The following MAML3 variants were observed in gnomAD, a reference collection of about 807,000 sequenced individuals.
MAML3 encodes the protein mastermind like transcriptional coactivator 3, also known as mastermind-like protein 3.
In MAML3, 27 loss-of-function variants were observed where a neutral mutation model predicts 101.9. The ratio of observed to expected loss-of-function variants is 0.27; its 90% confidence interval spans 0.20 to 0.37. The LOEUF is 0.37. Ranked by LOEUF, MAML3 falls within the 10% of genes least tolerant of loss-of-function variation. MAML3 has a pLI of 1.00. For synonymous variants in MAML3, 501 were observed against 555.9 expected, an observed-to-expected ratio of 0.90 and a Z score of 1.39; for missense variants, 1,316 against 1,444.9, an observed-to-expected ratio of 0.91 and a Z score of 1.45.
At chr4:139,823,105 T>C (rs144992189) in intron 2 of MAML3, among the ~76,000 whole-genome samples, 17 of 152,370 alleles carry the variant, frequency 1.1e-4, no homozygotes, top group African/African-American at 3.8e-4. Flanking sequence ...AAATAACTCA[T>C]ACTGCTGGCT....
At chr4:139,778,129 T>C (rs1730125389) in intron 2 of MAML3, among the ~76,000 whole-genome samples, 1 of 152,186 alleles carries the variant, frequency 6.6e-6, no homozygotes, top group South Asian at 2.1e-4. Context: ...GCTGGGGTGA[T>C]GCAATGAATA....
At chr4:140,085,037 T>C (rs1489381732) in intron 1 of MAML3, among the ~76,000 whole-genome samples, 1 of 152,162 alleles carries the variant, frequency 6.6e-6, no homozygotes, top group East Asian at 1.9e-4. Context: ...AATGCTCCCC[T>C]GAATATCCCC....
At chr4:139,941,470 G>C (rs1177562926) in intron 1 of MAML3, among the ~76,000 whole-genome samples, 1 of 152,144 alleles carries the variant, frequency 6.6e-6, no homozygotes, top group African/African-American at 2.4e-5. Flanking sequence ...TAAGGGTCAT[G>C]TTGTAGCCTA....
intron 2 of MAML3, among the ~76,000 whole-genome samples, chr4:139,837,003 T>C (rs1330869899): frequency 6.6e-6 from 1 of 151,202 alleles, no homozygotes; most frequent in African/African-American, 2.4e-5. Context: ...ATGCCTGCAA[T>C]CCCAGCTACT....
At position 139,889,621 on chromosome 4, in the gene MAML3, C is replaced by T. The variant is rs1364498338; in HGVS notation, c.1815G>A (p.Leu605=). 1 of 1,613,834 alleles carries T rather than the reference C, an allele frequency of 6.2e-7. No homozygotes were observed. The highest frequency in any genetic ancestry group is 1.1e-5 in the South Asian group (1 of 91,084). Residue 605 remains leucine (L), a synonymous_variant, in exon 2 of 5, where the codon CTG becomes CTA. Transcript: ENST00000509479. ...NILTYGNTKP[L]THFNADLSQR... ...GACTCAGGTCTGCATTGAAGTGGGTCAGGGGTTTAGTGTTGCCATAAGTCA... is the reference window on the plus strand; with the variant it reads ...GACTCAGGTCTGCATTGAAGTGGGTTAGGGGTTTAGTGTTGCCATAAGTCA...
chr4:139,746,478 A>G (rs985338826), intron 2 of MAML3, among the ~76,000 whole-genome samples: 1 of 152,170 alleles, frequency 6.6e-6, no homozygotes, highest in Non-Finnish European at 1.5e-5. Flanking sequence ...AACAGAGGAG[A>G]AGCAGATACC....
intron 2 of MAML3, among the ~76,000 whole-genome samples, chr4:139,849,976 A>T (rs1323299154): frequency 6.6e-6 from 1 of 152,218 alleles, no homozygotes; most frequent in South Asian, 2.1e-4. Flanking sequence ...TATACTATAT[A>T]AAAAATGTGT....
At chr4:139,953,791 G>C (rs954299597) in intron 1 of MAML3, among the ~76,000 whole-genome samples, 1 of 152,164 alleles carries the variant, frequency 6.6e-6, no homozygotes, top group African/African-American at 2.4e-5. Flanking sequence ...CAAGGGAGGG[G>C]TAGCAGTAGC....
At position 140,034,741 on chromosome 4, in the gene MAML3, G is replaced by A. The variant is rs1726957805; in HGVS notation, c.468+118119C>T. On this transcript the variant is annotated intron_variant, in intron 1 of 4. Coordinates refer to ENST00000509479, the MANE Select transcript of MAML3 (RefSeq NM_018717.5). ...GTAGCTGAATTTTTGTCTTGCTTTA[G>A]ATTTGAAAGGAAAGTAACAAAGAGG... Among the ~76,000 whole-genome samples, 3 of 152,188 alleles carry A rather than the reference G, an allele frequency of 2.0e-5. No individual in the cohort carries two copies. The South Asian group carries it at 6.2e-4, about 32-fold the overall frequency.
intron 2 of MAML3, among the ~76,000 whole-genome samples, chr4:139,764,836 G>A (rs965331280): frequency 6.6e-6 from 1 of 152,196 alleles, no homozygotes; most frequent in Non-Finnish European, 1.5e-5. Flanking sequence ...CAGGAAGTCC[G>A]CTTGCTTTCA....
chr4:139,975,121 T>C (rs1399617426), intron 1 of MAML3, among the ~76,000 whole-genome samples: 1 of 152,126 alleles, frequency 6.6e-6, no homozygotes, highest in Non-Finnish European at 1.5e-5. Flanking sequence ...ATCCCATCTC[T>C]CTCAGATAAA....
intron 1 of MAML3, among the ~76,000 whole-genome samples, chr4:140,071,652 TAAA>T (rs763506702): frequency 7.1e-6 from 1 of 140,220 alleles, no homozygotes. Context: ...TCTCACAGTT[TAAA>T]AAAAAAAAAA....
chr4:139,753,932 C>T (rs185758732), intron 2 of MAML3, among the ~76,000 whole-genome samples: 1 of 152,272 alleles, frequency 6.6e-6, no homozygotes, highest in African/African-American at 2.4e-5. Context: ...GAATGATTAA[C>T]TCTGTCTGGA....
At chr4:139,870,159 C>T (rs1176389167) in intron 2 of MAML3, among the ~76,000 whole-genome samples, 1 of 152,214 alleles carries the variant, frequency 6.6e-6, no homozygotes, top group Non-Finnish European at 1.5e-5. Context: ...AGTTTCTCAG[C>T]TTCTGTACTA....
chr4:140,146,417 AAG>A (rs1313944151), intron 1 of MAML3, among the ~76,000 whole-genome samples: 1 of 152,140 alleles, frequency 6.6e-6, no homozygotes, highest in African/African-American at 2.4e-5. Context: ...CATGATCTTT[AAG>A]TATTTATTAT....
chr4:140,077,966 C>T lies in MAML3; in HGVS notation c.468+74894G>A, dbSNP rs549975831. 3.5e-3 allele frequency among the ~76,000 whole-genome samples: 528 copies of T among 151,964 alleles called. 5 individuals are homozygous for T. Among genetic ancestry groups the T allele is most frequent in the South Asian group, 0.016 (75 of 4,806 alleles). ...TCAGGAGGCAGAGGTTGCAGTGAGC[C>T]GAGATCGTGCCAATGCACTCCAACC... On this transcript the variant is annotated intron_variant, in intron 1 of 4. Transcript: ENST00000509479.
intron 2 of MAML3, among the ~76,000 whole-genome samples, chr4:139,804,751 T>C (rs1730675330): frequency 1.3e-5 from 2 of 152,224 alleles, no homozygotes; most frequent in African/African-American, 2.4e-5. Context: ...ACTATTTACA[T>C]TTGTAACAGA....
At chr4:140,151,237 G>A (rs1300068629) in intron 1 of MAML3, among the ~76,000 whole-genome samples, 1 of 152,114 alleles carries the variant, frequency 6.6e-6, no homozygotes, top group Non-Finnish European at 1.5e-5. Context: ...AGGAAGAGGA[G>A]GAGGGAAGGT....
chr4:140,116,191 T>A (rs1728514477), intron 1 of MAML3, among the ~76,000 whole-genome samples: 1 of 152,230 alleles, frequency 6.6e-6, no homozygotes, highest in Non-Finnish European at 1.5e-5. Context: ...CTCCTTCATA[T>A]AAGGCAAAAA....
Sources: allele counts gnomAD v4.1 joint callset (sites outside exome capture counted in the v4.1 genomes callset), GRCh38; gene constraint gnomAD v4.1.1; transcripts MANE v1.5; gene names NCBI Gene and HGNC (gene_info 2026-07-23, HGNC 2026-07-21).